Variants in IFT43 observed in about 807,000 individuals in gnomAD.
IFT43 encodes intraflagellar transport protein 43 homolog.
In IFT43, 33 loss-of-function variants were observed where a neutral mutation model predicts 32.3. The observed-to-expected ratio is 1.02, with a 90% CI of 0.77 to 1.37. IFT43 has a LOEUF of 1.37. Among genes scored for constraint, IFT43 ranks in the 40% most tolerant of loss-of-function variants. The pLI is 0.00. For missense variants in IFT43, 274 were observed against 265.9 expected (o/e 1.03, Z -0.21); for synonymous variants, 93 against 98.2 (o/e 0.95, Z 0.31).
At chr14:76,068,827 A>T (rs2037270850) in intron 5 of IFT43, among the ~76,000 whole-genome samples, 1 of 152,234 alleles carries the variant, frequency 6.6e-6, no homozygotes, top group South Asian at 2.1e-4. Context: ...CCCTTGATGA[A>T]TATTGCTGAG....
intron 2 of IFT43, among the ~76,000 whole-genome samples, chr14:75,997,586 C>A (rs761525217): frequency 2.6e-5 from 4 of 152,186 alleles, no homozygotes; most frequent in African/African-American, 9.7e-5. Context: ...GTAAATAGAC[C>A]ACTGGCTGTG....
At chr14:76,017,616 C>T (rs2036213353) in intron 2 of IFT43, among the ~76,000 whole-genome samples, 1 of 151,970 alleles carries the variant, frequency 6.6e-6, no homozygotes, top group Non-Finnish European at 1.5e-5. Flanking sequence ...TGGGAATAGA[C>T]TGAGAAAAAT....
chr14:76,003,867 T>G (rs1391516925), intron 2 of IFT43, among the ~76,000 whole-genome samples: 3 of 151,696 alleles, frequency 2.0e-5, no homozygotes, highest in African/African-American at 7.3e-5. Context: ...AACCTCTGCC[T>G]CCCAGTTCAA....
At chr14:76,053,490 C>A (rs903933320) in intron 3 of IFT43, among the ~76,000 whole-genome samples, 4 of 152,328 alleles carry the variant, frequency 2.6e-5, no homozygotes, top group South Asian at 2.1e-4. Context: ...ACCGCCTTCA[C>A]CTTCACATCG....
At chr14:76,083,896 A>G (rs996647959), downstream of IFT43, 6 of 508,698 alleles carry the variant, frequency 1.2e-5, no homozygotes, top group African/African-American at 1.1e-4. Context: ...GGGCACTCCT[A>G]CTGAAAGCTG....
Position 76,050,403 on chromosome 14 carries a change from G to T in IFT43, c.216-8239G>T, listed in dbSNP as rs368742034. On this transcript the variant is annotated intron_variant, in intron 3 of 8. Transcript: ENST00000314067. ...GATGTGGTGGGAGTATTTGGATGTGGTGGGAGGGTTTGGATGTGGTGGGAG... is the reference window on the plus strand; with the variant it reads ...GATGTGGTGGGAGTATTTGGATGTGTTGGGAGGGTTTGGATGTGGTGGGAG... Among the ~76,000 whole-genome samples the T allele has an allele frequency of 3.0e-4, 46 of 152,218 alleles. No individual in the cohort carries two copies. The South Asian group carries it at 9.5e-3, about 32-fold the overall frequency.
chr14:76,022,433 C>T, intron 3 of IFT43, 39 bp downstream of exon 3: 3 of 1,242,044 alleles, frequency 2.4e-6, no homozygotes, highest in Non-Finnish European at 3.6e-6. Context: ...GGTGGGGGTG[C>T]ACACGGTTGG....
At chr14:76,015,903 G>A (rs1689358126) in intron 2 of IFT43, among the ~76,000 whole-genome samples, 1 of 152,084 alleles carries the variant, frequency 6.6e-6, no homozygotes, top group Non-Finnish European at 1.5e-5. Flanking sequence ...GTGTGGTTTT[G>A]GATTTGCATC....
rs2036199320 is a variant in IFT43, at chr14:76,016,932, C to T, written c.148-5395C>T. ...ACTTCACTGAATTCATTTATTCATT[C>T]TAAGAATTTTTTGATGCAATCTTTA... On this transcript the variant is annotated intron_variant, in intron 2 of 8. Coordinates refer to ENST00000314067, the MANE Select transcript of IFT43 (RefSeq NM_001102564.3). 2.0e-5 allele frequency among the ~76,000 whole-genome samples: 3 copies of T among 152,064 alleles called. No individual in the cohort carries two copies. In the South Asian group the frequency reaches 6.2e-4, roughly 31 times the overall value.
At chr14:76,018,319 A>G (rs1469362325) in intron 2 of IFT43, among the ~76,000 whole-genome samples, 2 of 152,052 alleles carry the variant, frequency 1.3e-5, no homozygotes, top group African/African-American at 4.8e-5. Context: ...GTGGTTGTTC[A>G]GGAGCATGTT....
At chr14:76,068,177 C>A (rs1285788870) in intron 5 of IFT43, among the ~76,000 whole-genome samples, 1 of 152,148 alleles carries the variant, frequency 6.6e-6, no homozygotes, top group African/African-American at 2.4e-5. Flanking sequence ...GGGCTGAGAG[C>A]ACTTCAGGAG....
At chr14:76,081,300 T>A (rs764351345) in intron 5 of IFT43, among the ~76,000 whole-genome samples, 4 of 152,258 alleles carry the variant, frequency 2.6e-5, no homozygotes, top group Non-Finnish European at 5.9e-5. Flanking sequence ...TTCACCAGTC[T>A]ACCTTTGGGA....
At chr14:76,007,077 T>C (rs956519904) in intron 2 of IFT43, among the ~76,000 whole-genome samples, 2 of 152,160 alleles carry the variant, frequency 1.3e-5, no homozygotes, top group South Asian at 4.1e-4. Context: ...CAGGCTGGTC[T>C]TGAACTCCTG....
rs2037021221 is a variant in IFT43 at position 76,056,590 on chromosome 14, C to T, written c.216-2052C>T. ...CATAACTCCTGAGGGTAATTGGAGA[C>T]AAATATGTCTCTTATGTACACAACG... On this transcript the variant is annotated intron_variant, in intron 3 of 8. Coordinates refer to ENST00000314067, the MANE Select transcript of IFT43 (RefSeq NM_001102564.3). 2.0e-5 allele frequency among the ~76,000 whole-genome samples: 3 copies of T among 152,118 alleles called. No homozygotes were observed. The South Asian group carries it at 6.2e-4, about 31-fold the overall frequency.
At chr14:76,051,593 T>G (rs1280309263) in intron 3 of IFT43, among the ~76,000 whole-genome samples, 1 of 152,156 alleles carries the variant, frequency 6.6e-6, no homozygotes, top group Non-Finnish European at 1.5e-5. Flanking sequence ...GAATATTGCC[T>G]TCTCTCTCTC....
intron 3 of IFT43, 56 bp downstream of exon 3, chr14:76,022,450 T>A: frequency 1.0e-6 from 1 of 994,974 alleles, no homozygotes; most frequent in Non-Finnish European, 1.6e-6. Context: ...TTGGGGGGAC[T>A]TTGCTCCTGT....
At chr14:76,030,229 TCA>T (rs143539488) in intron 3 of IFT43, among the ~76,000 whole-genome samples, 13,596 of 151,916 alleles carry the variant, frequency 0.089, 716 homozygotes, top group Middle Eastern at 0.13. Context: ...ATTTCCATCA[TCA>T]CAGTTTTTTT....
chr14:76,040,947 T>A (rs766925130), intron 3 of IFT43, among the ~76,000 whole-genome samples: 3 of 152,174 alleles, frequency 2.0e-5, no homozygotes, highest in Non-Finnish European at 2.9e-5. Context: ...CATTGTCCAA[T>A]TGCTGTACCT....
At chr14:76,058,884 C>G in intron 4 of IFT43, 1 of 1,486,896 alleles carries the variant, frequency 6.7e-7, no homozygotes, top group African/African-American at 1.4e-5. Flanking sequence ...CATGTCCTAT[C>G]TCCCACTGTG....
Sources: gnomAD v4.1 joint callset for allele counts (sites outside exome capture counted in the v4.1 genomes callset) on GRCh38, gnomAD v4.1.1 for gene constraint, MANE v1.5 for transcripts, NCBI Gene and HGNC (gene_info 2026-07-23, HGNC 2026-07-21) for gene names.